The following MIB1 variants were observed in gnomAD, a reference collection of about 807,000 sequenced individuals.
The protein encoded by MIB1 is E3 ubiquitin-protein ligase MIB1.
Under a neutral mutation model 124.5 loss-of-function variants are expected in MIB1, and 278 were observed. The observed-to-expected ratio is 2.23, with a 90% confidence interval of 2.02 to 2.47. The LOEUF (loss-of-function observed/expected upper bound fraction) is 2.47. Ranked by LOEUF, MIB1 falls within the 30% of genes most tolerant of loss-of-function variation. The probability of loss-of-function intolerance (pLI) is 0.00; values close to 1 mark genes in which losing one functional copy is unlikely to be tolerated. For missense variants in MIB1, 957 were observed against 1,254.4 expected, an observed-to-expected ratio of 0.76 and a Z score of 3.58; for synonymous variants, 446 against 429.4, an observed-to-expected ratio of 1.04 and a Z score of -0.48.
chr18:21,820,186 G>T (rs2041866369), intron 12 of MIB1, among the ~76,000 whole-genome samples: 1 of 152,184 alleles, frequency 6.6e-6, no homozygotes, highest in Non-Finnish European at 1.5e-5. Context: ...CATTCTTTAT[G>T]AAGGATCTGC....
At chr18:21,717,837 A>G (rs1247176592) in intron 1 of MIB1, among the ~76,000 whole-genome samples, 1 of 152,226 alleles carries the variant, frequency 6.6e-6, no homozygotes, top group Non-Finnish European at 1.5e-5. Context: ...AACAGTGTGG[A>G]GATTCCTTAA....
rs527594873 is a variant in MIB1 at position 21,820,853 on chromosome 18, G to A, written c.1829+1207G>A. On this transcript the variant is annotated intron_variant, in intron 12 of 20. Coordinates refer to ENST00000261537, the MANE Select transcript of MIB1 (RefSeq NM_020774.4). ...GAACACGTAGCTGATTACTGAAGCA[G>A]CTGTAACTTGAGCAAGGTCTAGGTG... 5.3e-5 allele frequency among the ~76,000 whole-genome samples: 8 copies of A among 152,322 alleles called. No individual in the cohort carries two copies. In the South Asian group the frequency reaches 1.2e-3, roughly 24 times the overall value.
At chr18:21,730,232 G>A (rs575219675) in intron 1 of MIB1, among the ~76,000 whole-genome samples, 6 of 151,936 alleles carry the variant, frequency 3.9e-5, no homozygotes, top group East Asian at 3.9e-4. Context: ...TCCTTTCTTC[G>A]GCTCATATTT....
intron 1 of MIB1, among the ~76,000 whole-genome samples, chr18:21,719,686 T>A (rs1176183192): frequency 6.6e-6 from 1 of 151,306 alleles, no homozygotes; most frequent in Admixed American, 6.6e-5. Context: ...CTGGAACTCC[T>A]GACCTCATGA....
chr18:21,739,074 A>G (rs1270965551), upstream of MIB1, among the ~76,000 whole-genome samples: 2 of 151,982 alleles, frequency 1.3e-5, no homozygotes, highest in Non-Finnish European at 2.9e-5. Context: ...AGAAGAATCA[A>G]ATAGATGCAA....
chr18:21,786,606 A>T (rs183534733), intron 6 of MIB1, among the ~76,000 whole-genome samples: 38 of 151,708 alleles, frequency 2.5e-4, no homozygotes, highest in Admixed American at 2.3e-3. Flanking sequence ...GTTAGTCTCT[A>T]TATCTTGTAG....
chr18:21,853,856 G>GATTTT (rs754031159), intron 18 of MIB1, among the ~76,000 whole-genome samples: 135 of 151,720 alleles, frequency 8.9e-4, no homozygotes, highest in Admixed American at 2.8e-3. Flanking sequence ...GTCAATAAAA[G>GATTTT]ATTTTATTTT....
chr18:21,788,549 A>G (rs1401610861), intron 6 of MIB1, among the ~76,000 whole-genome samples: 1 of 152,246 alleles, frequency 6.6e-6, no homozygotes, highest in Admixed American at 6.5e-5. Context: ...ACCCGGTAAC[A>G]TCAGAAACAA....
intron 1 of MIB1, among the ~76,000 whole-genome samples, chr18:21,709,090 G>A (rs1159899603): frequency 6.6e-6 from 1 of 152,126 alleles, no homozygotes; most frequent in Non-Finnish European, 1.5e-5. Flanking sequence ...GCCGAGGCGG[G>A]CGGATCACGA....
chr18:21,810,345 C>A (rs2041757449), intron 10 of MIB1, among the ~76,000 whole-genome samples: 1 of 152,002 alleles, frequency 6.6e-6, no homozygotes, highest in African/African-American at 2.4e-5. Context: ...CAATGAAATT[C>A]TGTCAAAATC....
At chr18:21,849,150 A>G (rs2042160166) in intron 16 of MIB1, 46 bp from the exon 17 acceptor site, 1 of 1,214,698 alleles carries the variant, frequency 8.2e-7, no homozygotes, top group Non-Finnish European at 1.1e-6. Flanking sequence ...TTAATTAGTG[A>G]ATTTGTAATA....
chr18:21,735,139 A>G (rs1340599856), intron 1 of MIB1, among the ~76,000 whole-genome samples: 1 of 152,202 alleles, frequency 6.6e-6, no homozygotes, highest in Non-Finnish European at 1.5e-5. Flanking sequence ...GCTCCCAGCG[A>G]GATGGATGCA....
intron 10 of MIB1, among the ~76,000 whole-genome samples, chr18:21,813,447 A>AC (rs1175599702): frequency 1.3e-5 from 2 of 151,998 alleles, no homozygotes; most frequent in Admixed American, 1.3e-4. Flanking sequence ...TAACCACAAG[A>AC]CCCCCAGGGA....
chr18:21,766,902 T>C (rs1598600117), intron 2 of MIB1, among the ~76,000 whole-genome samples: 1 of 151,920 alleles, frequency 6.6e-6, no homozygotes, highest in Admixed American at 6.6e-5. Flanking sequence ...ATGAAAAGAA[T>C]AGAACAATAA....
intron 10 of MIB1, among the ~76,000 whole-genome samples, chr18:21,804,406 T>C (rs1434210005): frequency 6.6e-6 from 1 of 152,276 alleles, no homozygotes; most frequent in African/African-American, 2.4e-5. Flanking sequence ...TTGTCATAAC[T>C]GAATTAGCAT....
At chr18:21,766,340 A>G (rs551296136) in intron 2 of MIB1, among the ~76,000 whole-genome samples, 1 of 152,268 alleles carries the variant, frequency 6.6e-6, no homozygotes, top group Admixed American at 6.5e-5. Context: ...TACAACATCT[A>G]CTATGTTTAT....
At chr18:21,832,479 CAA>C (rs1389514910) in intron 12 of MIB1, among the ~76,000 whole-genome samples, 49 of 151,700 alleles carry the variant, frequency 3.2e-4, no homozygotes, top group Admixed American at 3.2e-3. Context: ...TTTTTTTAAT[CAA>C]AGAGAAAAAA....
chr18:21,722,800 C>T (rs2040721413), intron 1 of MIB1, among the ~76,000 whole-genome samples: 1 of 151,998 alleles, frequency 6.6e-6, no homozygotes, highest in South Asian at 2.1e-4. Flanking sequence ...GGAAAGGATA[C>T]CTCAAAGGTA....
At chr18:21,762,371 TTAAC>T (rs1240210753) in intron 1 of MIB1, among the ~76,000 whole-genome samples, 1 of 152,196 alleles carries the variant, frequency 6.6e-6, no homozygotes, top group Non-Finnish European at 1.5e-5. Flanking sequence ...ATTATGTTAA[TTAAC>T]AGAGGGAAAT....
Sources: allele counts gnomAD v4.1 joint callset (sites outside exome capture counted in the v4.1 genomes callset), GRCh38; gene constraint gnomAD v4.1.1; transcripts MANE v1.5; gene names NCBI Gene and HGNC (gene_info 2026-07-23, HGNC 2026-07-21).